The following ADAM10 variants were observed in gnomAD, a reference collection of about 807,000 sequenced individuals.
ADAM10 encodes the protein ADAM metallopeptidase domain 10.
ADAM10 carries 17 observed loss-of-function variants against 90.1 expected under a neutral mutation model. That is an observed-to-expected ratio of 0.19 (90% CI 0.13 to 0.28). The LOEUF is 0.28. Among genes scored for constraint, ADAM10 ranks in the 10% least tolerant of loss-of-function variants. The pLI is 1.00. For synonymous variants in ADAM10, 310 were observed against 298.6 expected (o/e 1.04, Z -0.40); for missense variants, 610 against 914.3 (o/e 0.67, Z 4.29).
chr15:58,694,892 G>A (rs1897932610), intron 2 of ADAM10, among the ~76,000 whole-genome samples: 1 of 151,980 alleles, frequency 6.6e-6, no homozygotes, highest in Non-Finnish European at 1.5e-5. Flanking sequence ...TGCCTAGGGT[G>A]GAGACTAAGA....
chr15:58,626,382 T>C (rs1211900645), intron 10 of ADAM10, among the ~76,000 whole-genome samples: 3 of 152,190 alleles, frequency 2.0e-5, no homozygotes, highest in African/African-American at 7.2e-5. Flanking sequence ...CCTGAATTCT[T>C]TCTCCTTTGC....
intron 1 of ADAM10, among the ~76,000 whole-genome samples, chr15:58,729,376 G>C (rs447299): frequency 0.2 from 31,073 of 151,972 alleles, 3,390 homozygotes; most frequent in East Asian, 0.44. Context: ...ACAGAATCTT[G>C]TTAATTCAAA....
chr15:58,643,475 T>C (rs1350979769), intron 7 of ADAM10, among the ~76,000 whole-genome samples: 2 of 152,196 alleles, frequency 1.3e-5, no homozygotes, highest in African/African-American at 4.8e-5. Context: ...ACTGTATTTA[T>C]CCTTTTTCTC....
chr15:58,655,695 A>AT (rs1896795736), intron 5 of ADAM10, among the ~76,000 whole-genome samples: 1 of 68,578 alleles, frequency 1.5e-5, no homozygotes, highest in Non-Finnish European at 2.2e-5. Flanking sequence ...TATTATATAT[A>AT]GTATATATAT....
At chr15:58,638,213 G>T (rs1896319992) in intron 8 of ADAM10, among the ~76,000 whole-genome samples, 1 of 152,022 alleles carries the variant, frequency 6.6e-6, no homozygotes, top group Non-Finnish European at 1.5e-5. Flanking sequence ...GAAAGAAAGA[G>T]AGATAATAAT....
At position 58,591,523 on chromosome 15, in the gene ADAM10, A is replaced by C. The variant is rs1422559627; in HGVS notation, c.*6024T>G. The C allele has an allele frequency of 6.6e-6, 1 of 152,140 alleles. No individual in the cohort carries two copies. The highest frequency in any genetic ancestry group is 1.5e-5 in the Non-Finnish European group (1 of 68,032). The allele number at this position is 152,140 out of a possible 1,614,324, so 9.4% of individuals were successfully genotyped here. On this transcript the variant is annotated 3_prime_UTR_variant, in exon 16 of 16. Coordinates refer to ENST00000260408, the MANE Select transcript of ADAM10 (RefSeq NM_001110.4). The stretch of plus-strand genomic sequence containing the variant: ...AGTGATCCTCCCACCTTGGCCTCCC[A>C]AAGTGTTGGGATTACAGGTATGAGC...
At chr15:58,671,433 A>G (rs1352251028) in intron 4 of ADAM10, among the ~76,000 whole-genome samples, 1 of 152,222 alleles carries the variant, frequency 6.6e-6, no homozygotes, top group Non-Finnish European at 1.5e-5. Context: ...CACTCTTATA[A>G]GGTCACTGGT....
In ADAM10 at chr15:58,591,838, T is replaced by A. The variant is rs1894830207; in HGVS notation, c.*5709A>T. ...TACCATTATCACACCTAAAAATAAT[T>A]AAAAACCTTAATATCAAATATCCAC... On this transcript the variant is annotated 3_prime_UTR_variant, in exon 16 of 16. Coordinates refer to ENST00000260408, the MANE Select transcript of ADAM10 (RefSeq NM_001110.4). 6.6e-6 allele frequency: 1 copy of A among 152,202 alleles called. No homozygotes were observed. The highest frequency in any genetic ancestry group is 2.4e-5 in the African/African-American group (1 of 41,448). 9.4% of individuals were successfully genotyped at this position (152,202 alleles called of 1,614,324 possible).
chr15:58,681,456 A>G (rs1156429221), intron 3 of ADAM10, among the ~76,000 whole-genome samples: 1 of 152,248 alleles, frequency 6.6e-6, no homozygotes, highest in African/African-American at 2.4e-5. Flanking sequence ...TATTTTCAGT[A>G]GAAATCACTC....
chr15:58,604,885 G>A lies in ADAM10; in HGVS notation c.2026-5161C>T, dbSNP rs371261214. ...GAGTAGCTGGGACTACAAGGTACAT[G>A]CCGCCACACCCTGCGAATTCATTTA... On this transcript the variant is annotated intron_variant, in intron 14 of 15. Coordinates refer to ENST00000260408, the MANE Select transcript of ADAM10 (RefSeq NM_001110.4). 3.9e-4 allele frequency among the ~76,000 whole-genome samples: 60 copies of A among 152,220 alleles called. 3 individuals are homozygous for A. Among genetic ancestry groups the A allele is most frequent in the East Asian group, 1.7e-3 (9 of 5,182 alleles).
At chr15:58,700,502 G>A (rs1898103569) in intron 2 of ADAM10, among the ~76,000 whole-genome samples, 1 of 151,758 alleles carries the variant, frequency 6.6e-6, no homozygotes, top group Non-Finnish European at 1.5e-5. Flanking sequence ...AAGAAATTAA[G>A]GAAGAAATCA....
intron 1 of ADAM10, among the ~76,000 whole-genome samples, chr15:58,749,200 C>T (rs536997667): frequency 9.2e-5 from 14 of 152,202 alleles, no homozygotes; most frequent in Admixed American, 3.3e-4. Context: ...CCCGACTTCG[C>T]TTCTCTGGGA....
chr15:58,742,325 TGGA>T (rs1236026467), intron 1 of ADAM10, among the ~76,000 whole-genome samples: 1 of 152,206 alleles, frequency 6.6e-6, no homozygotes, highest in Non-Finnish European at 1.5e-5. Flanking sequence ...CCACATTAAG[TGGA>T]GGAGAGCTCC....
intron 14 of ADAM10, chr15:58,609,382 AC>A (rs1477457166): frequency 6.6e-6 from 1 of 152,150 alleles, no homozygotes; most frequent in African/African-American, 2.4e-5. Context: ...GGAACGGTAA[AC>A]ATCATTTTAA....
intron 7 of ADAM10, among the ~76,000 whole-genome samples, chr15:58,641,482 G>A (rs1276839529): frequency 2.0e-5 from 3 of 152,108 alleles, no homozygotes; most frequent in Non-Finnish European, 4.4e-5. Context: ...AGTCACATGA[G>A]CCAAGCCAAA....
At chr15:58,627,570 G>A in intron 10 of ADAM10, 130 bp downstream of exon 10, 1 of 757,418 alleles carries the variant, frequency 1.3e-6, no homozygotes, top group Non-Finnish European at 2.2e-6. Context: ...ACGAGATAAA[G>A]GGAATACAGC....
chr15:58,664,390 T>C (rs2140727670), intron 5 of ADAM10, among the ~76,000 whole-genome samples: 1 of 152,230 alleles, frequency 6.6e-6, no homozygotes, highest in South Asian at 2.1e-4. Flanking sequence ...AAGATCAATA[T>C]GTACTTCTTC....
intron 2 of ADAM10, chr15:58,703,804 C>T (rs1898197982): frequency 6.5e-6 from 1 of 152,756 alleles, no homozygotes; most frequent in Non-Finnish European, 1.5e-5. Context: ...TCTCCTTCTG[C>T]TATGACTGTA....
chr15:58,625,601 T>C (rs1449106451), intron 10 of ADAM10, among the ~76,000 whole-genome samples: 1 of 152,220 alleles, frequency 6.6e-6, no homozygotes, highest in Non-Finnish European at 1.5e-5. Context: ...TTTGGCAGTT[T>C]TGTACAAAGC....
Sources: gnomAD v4.1 joint callset for allele counts (sites outside exome capture counted in the v4.1 genomes callset) on GRCh38, gnomAD v4.1.1 for gene constraint, MANE v1.5 for transcripts, NCBI Gene and HGNC (gene_info 2026-07-23, HGNC 2026-07-21) for gene names.